ITGA11: variants seen among roughly 807,000 people sequenced by gnomAD.
ITGA11 encodes integrin subunit alpha 11.
In ITGA11, 97 loss-of-function variants were observed where a neutral mutation model predicts 141.9. The observed-to-expected ratio is 0.68, with a 90% CI of 0.58 to 0.81. ITGA11 has a LOEUF of 0.81. Among genes scored for constraint, ITGA11 ranks in the 30% least tolerant of loss-of-function variants. ITGA11 has a pLI of 0.00. For missense variants in ITGA11, 1,387 were observed against 1,559.2 expected (o/e 0.89, Z 1.86); for synonymous variants, 658 against 624.6 (o/e 1.05, Z -0.80).
chr15:68,377,816 C>G (rs75743157), intron 2 of ITGA11, among the ~76,000 whole-genome samples: 1,800 of 152,294 alleles, frequency 0.012, 45 homozygotes, highest in African/African-American at 0.04. Flanking sequence ...GCTCTTGGTT[C>G]CACTCCAACC....
In ITGA11 at chr15:68,325,383, G is replaced by A. The variant is rs1893941535; in HGVS notation, c.2212-142C>T. ...GTGCCCTCAGGGTGAGTCTGCAGGT[G>A]GATGGAGGTTTCTAGCGGGTCTGTT... On this transcript the variant is annotated intron_variant, in intron 17 of 29. Transcript: ENST00000315757. The surrounding 1 kb of genome is among the most constrained non-coding windows in gnomAD (Gnocchi z 5.5). 6.2e-6 allele frequency: 4 copies of A among 643,536 alleles called. No individual in the cohort carries two copies. The allele number at this position is 643,536 out of a possible 1,614,324, so 39.9% of individuals were successfully genotyped here.
In ITGA11 at chr15:68,307,411, G is replaced by A. The variant is rs369766352; in HGVS notation, c.3318C>T (p.Asn1106=). The change falls in exon 28 of 30, where the codon AAC becomes AAT. Residue 1106 remains asparagine, a synonymous_variant. Coordinates refer to ENST00000315757, the MANE Select transcript of ITGA11 (RefSeq NM_001004439.2). The surrounding 1 kb of genome is among the most constrained non-coding windows in gnomAD (Gnocchi z 6.1). ...TGTGGAACTGCCTCTGCAAGGCTGC[G>A]TTGACCATGATTTTCATGGATTTGT... ...LKYKSMKIMV[N]AALQRQFHSP... The A allele has an allele frequency of 3.9e-5, 61 of 1,558,772 alleles. No individual in the cohort carries two copies. The highest frequency in any genetic ancestry group is 2.1e-4 in the Admixed American group (11 of 52,096).
In ITGA11 at chr15:68,301,915, G is replaced by A. The variant is rs1244453155; in HGVS notation, c.*1144C>T. 2.0e-5 allele frequency: 3 copies of A among 152,714 alleles called. No individual in the cohort carries two copies. Among genetic ancestry groups the A allele is most frequent in the African/African-American group, 4.8e-5 (2 of 41,444 alleles). 9.5% of individuals were successfully genotyped at this position (152,714 alleles called of 1,614,324 possible). On this transcript the variant is annotated 3_prime_UTR_variant, in exon 30 of 30. Transcript: ENST00000315757. This position sits in a 1 kb window ranked among gnomAD's most constrained non-coding sequence, Gnocchi z 4.4. ...CCACTTGTCCTGGGGGCCGGCAGAT[G>A]AGATATTTGCCACCAAGGCTGCACA...
In ITGA11 at chr15:68,400,924, ATAT is replaced by A. The variant is rs1158813511; in HGVS notation, c.164+1991_164+1993del. Among the ~76,000 whole-genome samples, 37 of 84,844 alleles carry A rather than the reference ATAT, an allele frequency of 4.4e-4. 1 individual carries two copies. The highest frequency in any genetic ancestry group is 6.2e-4 in the Non-Finnish European group (28 of 45,350). 55.7% of individuals were successfully genotyped at this position (84,844 alleles called of 152,430 possible). On this transcript the variant is annotated intron_variant, in intron 2 of 29. Coordinates refer to ENST00000315757, the MANE Select transcript of ITGA11 (RefSeq NM_001004439.2). Reference sequence around the variant, plus strand: ...TATATATTATATAATAAATATTATAATATTATATATTATATAATAAATATTATA... The same window carrying A: ...TATATATTATATAATAAATATTATAATATATATTATATAATAAATATTATA...
chr15:68,332,251 C>G, intron 13 of ITGA11, 87 bp downstream of exon 13: 1 of 1,468,084 alleles, frequency 6.8e-7, no homozygotes, highest in South Asian at 1.3e-5. Context: ...ACTGGCCTCG[C>G]TAGTAACGCA....
At chr15:68,340,065 G>A (rs1230868573) in intron 10 of ITGA11, among the ~76,000 whole-genome samples, 1 of 152,106 alleles carries the variant, frequency 6.6e-6, no homozygotes, top group African/African-American at 2.4e-5. Context: ...TGCAGTGTCT[G>A]AGTTGCTTCC....
rs149023441 is a variant in ITGA11 at position 68,370,336 on chromosome 15, C to A, written c.165-1052G>T. 2.4e-3 allele frequency among the ~76,000 whole-genome samples: 372 copies of A among 152,306 alleles called. 1 individual carries two copies. Among genetic ancestry groups the A allele is most frequent in the African/African-American group, 8.6e-3 (357 of 41,550 alleles). On this transcript the variant is annotated intron_variant, in intron 2 of 29. Coordinates refer to ENST00000315757, the MANE Select transcript of ITGA11 (RefSeq NM_001004439.2). ...GGCCGTGCCCTGGAGGAAAAGCCTG[C>A]GACCCTGGAGGTGCGGCTGTGGACT...
In ITGA11 at chr15:68,346,496, A is replaced by G. The variant is rs184516548; in HGVS notation, c.1131+2334T>C. On this transcript the variant is annotated intron_variant, in intron 10 of 29. Coordinates refer to ENST00000315757, the MANE Select transcript of ITGA11 (RefSeq NM_001004439.2). ...AAGAGTCTTTCTCCCCAGCTAGGCTATGAATGGCTGTCAGCTGAAATGTTT... is the reference window on the plus strand; with the variant it reads ...AAGAGTCTTTCTCCCCAGCTAGGCTGTGAATGGCTGTCAGCTGAAATGTTT... Among the ~76,000 whole-genome samples, 212 of 152,350 alleles carry G rather than the reference A, an allele frequency of 1.4e-3. 1 individual carries two copies. The highest frequency in any genetic ancestry group is 4.9e-3 in the African/African-American group (203 of 41,588).
At chr15:68,374,442 C>A (rs574015710) in intron 2 of ITGA11, among the ~76,000 whole-genome samples, 2 of 152,270 alleles carry the variant, frequency 1.3e-5, no homozygotes, top group South Asian at 2.1e-4. Flanking sequence ...GGATCCAAGG[C>A]CAGGGAGAGA....
Position 68,333,103 on chromosome 15 carries a change from T to C in ITGA11, c.1426-625A>G, listed in dbSNP as rs1371868487. Among the ~76,000 whole-genome samples, 1 of 66,174 alleles carries C rather than the reference T, an allele frequency of 1.5e-5. No individual in the cohort carries two copies. The highest frequency in any genetic ancestry group is 2.9e-5 in the Non-Finnish European group (1 of 34,890). 43.4% of individuals were successfully genotyped at this position (66,174 alleles called of 152,430 possible). ...GTTTAATCAGTTATTGCTGGACGGT[T>C]AGCTTTTTTTTTTTGAGGCAAGGTT... On this transcript the variant is annotated intron_variant, in intron 12 of 29. Coordinates refer to ENST00000315757, the MANE Select transcript of ITGA11 (RefSeq NM_001004439.2). This position sits in a 1 kb window ranked among gnomAD's most constrained non-coding sequence, Gnocchi z 4.2.
At chr15:68,368,183 C>T (rs1895485932) in intron 3 of ITGA11, among the ~76,000 whole-genome samples, 1 of 152,220 alleles carries the variant, frequency 6.6e-6, no homozygotes, top group African/African-American at 2.4e-5. Context: ...TGCTGCCCTT[C>T]CCATCCCCCA....
At chr15:68,319,646 C>T (rs1012629419) in intron 20 of ITGA11, among the ~76,000 whole-genome samples, 4 of 152,242 alleles carry the variant, frequency 2.6e-5, no homozygotes, top group Admixed American at 1.3e-4. Flanking sequence ...GAAGGACCTT[C>T]CGAGCAAGCC....
chr15:68,312,401 A>T (rs935561661), intron 24 of ITGA11, among the ~76,000 whole-genome samples: 1 of 152,142 alleles, frequency 6.6e-6, no homozygotes, highest in African/African-American at 2.4e-5. Context: ...GAGGCTGGTA[A>T]GTTCACGCTG....
chr15:68,309,151 A>C (rs1893297557), intron 26 of ITGA11, among the ~76,000 whole-genome samples: 1 of 152,256 alleles, frequency 6.6e-6, no homozygotes, highest in Admixed American at 6.5e-5. Context: ...AAGCACAAAA[A>C]AAGCAATGGC....
chr15:68,396,657 A>G (rs957775950), intron 2 of ITGA11, among the ~76,000 whole-genome samples: 2 of 151,444 alleles, frequency 1.3e-5, no homozygotes, highest in African/African-American at 2.4e-5. Flanking sequence ...ATCTGATTGT[A>G]TATGTAGAAA....
chr15:68,329,008 T>G (rs1465736210), intron 15 of ITGA11, among the ~76,000 whole-genome samples: 1 of 152,190 alleles, frequency 6.6e-6, no homozygotes, highest in African/African-American at 2.4e-5. Flanking sequence ...CATGAATGTA[T>G]ATAAAAAGAA....
intron 2 of ITGA11, among the ~76,000 whole-genome samples, chr15:68,371,892 G>C (rs1211198785): frequency 6.6e-6 from 1 of 152,152 alleles, no homozygotes; most frequent in Non-Finnish European, 1.5e-5. Context: ...AATGAGACCG[G>C]TTTTGTCCTT....
At chr15:68,375,044 GCT>G (rs761466162) in intron 2 of ITGA11, among the ~76,000 whole-genome samples, 12 of 152,182 alleles carry the variant, frequency 7.9e-5, no homozygotes, top group Non-Finnish European at 1.3e-4. Context: ...CTCGTCCTGT[GCT>G]CTTTTTTTCA....
At chr15:68,329,998 T>C (rs575885434) in intron 15 of ITGA11, among the ~76,000 whole-genome samples, 1 of 152,322 alleles carries the variant, frequency 6.6e-6, no homozygotes, top group East Asian at 1.9e-4. Context: ...ATGGGCTGTT[T>C]TACGCCACAC....
Sources: allele counts gnomAD v4.1 joint callset (sites outside exome capture counted in the v4.1 genomes callset), GRCh38; gene constraint gnomAD v4.1.1; non-coding constraint Gnocchi (gnomAD v3.1); transcripts MANE v1.5; gene names NCBI Gene and HGNC (gene_info 2026-07-23, HGNC 2026-07-21).